Variants in SDK2 observed in about 807,000 individuals in gnomAD.
The protein encoded by SDK2 is sidekick cell adhesion molecule 2.
In SDK2, 105 loss-of-function variants were observed where a neutral mutation model predicts 253.9. That is an observed-to-expected ratio of 0.41 (90% CI 0.35 to 0.49). The LOEUF (loss-of-function observed/expected upper bound fraction) is 0.49. Ranked by LOEUF, SDK2 falls within the 20% of genes least tolerant of loss-of-function variation. The pLI is 0.06. For missense variants in SDK2, 2,608 were observed against 3,003.0 expected, an observed-to-expected ratio of 0.87 and a Z score of 3.07; for synonymous variants, 1,249 against 1,234.9, an observed-to-expected ratio of 1.01 and a Z score of -0.24.
chr17:73,471,014 C>A (rs547442369), intron 3 of SDK2, among the ~76,000 whole-genome samples: 81 of 152,002 alleles, frequency 5.3e-4, no homozygotes, highest in African/African-American at 1.8e-3. Flanking sequence ...AGGACCCTGG[C>A]CCCTGAGATG....
chr17:73,493,465 G>C (rs972219112), intron 2 of SDK2, among the ~76,000 whole-genome samples: 17 of 152,350 alleles, frequency 1.1e-4, no homozygotes, highest in Admixed American at 1.1e-3. Flanking sequence ...GAAGTGGGAG[G>C]AGATGACAGG....
At chr17:73,390,229 A>C (rs2062915424) in intron 29 of SDK2, 58 bp downstream of exon 29, 1 of 1,414,660 alleles carries the variant, frequency 7.1e-7, no homozygotes, top group Admixed American at 2.4e-5. Flanking sequence ...AGCTCAGAGC[A>C]CTGGCTGGCC....
chr17:73,366,338 G>A (rs888827627), intron 37 of SDK2, among the ~76,000 whole-genome samples: 9 of 152,246 alleles, frequency 5.9e-5, no homozygotes, highest in Admixed American at 3.3e-4. Context: ...AAGAGTGGCC[G>A]GGACAGGAGG....
intron 2 of SDK2, among the ~76,000 whole-genome samples, chr17:73,475,302 C>T (rs1248197949): frequency 9.8e-5 from 15 of 152,332 alleles, no homozygotes; most frequent in Non-Finnish European, 8.8e-5. Context: ...TAGGCACCTG[C>T]CACCACGCCC....
chr17:73,620,308 A>C (rs1256086362), intron 1 of SDK2, among the ~76,000 whole-genome samples: 1 of 152,222 alleles, frequency 6.6e-6, no homozygotes, highest in Non-Finnish European at 1.5e-5. Context: ...CATCAGGGAA[A>C]TACAAATCAA....
chr17:73,463,205 G>A (rs999254332), intron 3 of SDK2, among the ~76,000 whole-genome samples: 5 of 152,190 alleles, frequency 3.3e-5, no homozygotes, highest in Non-Finnish European at 5.9e-5. Context: ...ATGCCCTGCA[G>A]GGCTGATCCA....
intron 40 of SDK2, 61 bp downstream of exon 40, chr17:73,358,018 G>A: frequency 6.2e-7 from 1 of 1,608,202 alleles, no homozygotes; most frequent in Non-Finnish European, 8.5e-7. Flanking sequence ...CCAAGTGGAG[G>A]GACCCAGGAA....
intron 40 of SDK2, among the ~76,000 whole-genome samples, chr17:73,356,355 G>A (rs2062592137): frequency 6.6e-6 from 1 of 152,202 alleles, no homozygotes; most frequent in Admixed American, 6.5e-5. Flanking sequence ...GAAGCTGCTG[G>A]AATGTCACGC....
At chr17:73,543,567 CAG>C (rs2044905293) in intron 1 of SDK2, among the ~76,000 whole-genome samples, 1 of 152,254 alleles carries the variant, frequency 6.6e-6, no homozygotes. Context: ...GCAATCGACA[CAG>C]GAGTTATTAA....
intron 3 of SDK2, among the ~76,000 whole-genome samples, chr17:73,466,082 G>C (rs1361562995): frequency 6.6e-6 from 1 of 152,174 alleles, no homozygotes; most frequent in Non-Finnish European, 1.5e-5. Context: ...CACTCTTGGG[G>C]TCATGCAAGT....
In SDK2 at chr17:73,338,852, T is replaced by C. The variant is rs765044745; in HGVS notation, c.6254A>G (p.Asn2085Ser). 6.2e-7 allele frequency: 1 copy of C among 1,613,444 alleles called. No individual in the cohort carries two copies. Among genetic ancestry groups the C allele is most frequent in the African/African-American group, 1.3e-5 (1 of 74,842 alleles). The change falls in exon 45 of 45, where the codon AAC (asparagine) becomes AGC (serine). Residue 2085 changes from asparagine to serine, a missense_variant. Physicochemically the swap from Asn to Ser is conservative, Grantham distance 46 (BLOSUM62 1). Transcript: ENST00000392650. This position sits in a 1 kb window ranked among gnomAD's most constrained non-coding sequence, Gnocchi z 5.0. ...NHYISDPTYY[N>S]SWRRQQKGIS... ...GCCCTTCTGCTGTCGCCGCCACGAG[T>C]TGTAGTATGTGGGGTCACTGATGTA...
intron 22 of SDK2, 97 bp from the exon 23 acceptor site, chr17:73,398,526 C>T: frequency 1.9e-6 from 2 of 1,056,264 alleles, no homozygotes; most frequent in Admixed American, 4.0e-5. Flanking sequence ...GAAGTTGGTT[C>T]AGAACCCAGG....
chr17:73,575,253 T>C (rs565550060), intron 1 of SDK2, among the ~76,000 whole-genome samples: 1 of 152,314 alleles, frequency 6.6e-6, no homozygotes, highest in African/African-American at 2.4e-5. Flanking sequence ...TGAGTTCTAA[T>C]TTGACCTGGG....
In SDK2 at chr17:73,507,449, G is replaced by A. The variant is rs773784594; in HGVS notation, c.213C>T (p.Ser71=). 1.1e-4 allele frequency: 171 copies of A among 1,551,134 alleles called. No homozygotes were observed. The African/African-American group carries it at 1.8e-3, about 16-fold the overall frequency. ...LHNNRELTKF[S]LEYRYMITSL... is the part of the protein sequence containing the mutation. ...GAGGGGCAGTTTACCTGTATTCCAG[G>A]GAGAACTTGGTCAGCTCCCTGTTGT... is the stretch of plus-strand genomic sequence containing the variant. The change falls in exon 2 of 45, where the codon TCC becomes TCT. Residue 71 remains serine, a synonymous_variant. Coordinates refer to ENST00000392650, the MANE Select transcript of SDK2 (RefSeq NM_001144952.2).
chr17:73,456,197 G>T, intron 3 of SDK2, 144 bp from the exon 4 acceptor site: 1 of 854,844 alleles, frequency 1.2e-6, no homozygotes, highest in Non-Finnish European at 1.7e-6. Flanking sequence ...CCTTGCTCGG[G>T]CCACCCCATT....
At chr17:73,376,192 C>CA (rs368856491) in intron 36 of SDK2, among the ~76,000 whole-genome samples, 1,753 of 128,266 alleles carry the variant, frequency 0.014, 15 homozygotes, top group Non-Finnish European at 0.016. Context: ...GACTCCGTGT[C>CA]AAAAAAAAAA....
intron 31 of SDK2, 27 bp from the exon 32 acceptor site, chr17:73,385,944 T>A: frequency 6.4e-7 from 1 of 1,556,358 alleles, no homozygotes; most frequent in Non-Finnish European, 8.7e-7. Context: ...ACAGGTGGGT[T>A]CTGGGGGCCG....
intron 21 of SDK2, 67 bp downstream of exon 21, chr17:73,400,953 G>T: frequency 6.9e-7 from 1 of 1,456,212 alleles, no homozygotes; most frequent in South Asian, 1.3e-5. Context: ...CAGCCGACAA[G>T]GGGCCTCTTG....
At chr17:73,357,389 A>G (rs1465345544) in intron 40 of SDK2, 1 of 153,138 alleles carries the variant, frequency 6.5e-6, no homozygotes, top group Non-Finnish European at 1.5e-5. Flanking sequence ...CTCAATTTTA[A>G]TCACCTAACC....
Sources: allele counts gnomAD v4.1 joint callset (sites outside exome capture counted in the v4.1 genomes callset), GRCh38; gene constraint gnomAD v4.1.1; non-coding constraint Gnocchi (gnomAD v3.1); transcripts MANE v1.5; gene names NCBI Gene and HGNC (gene_info 2026-07-23, HGNC 2026-07-21).